FPR3: variants seen among roughly 807,000 people sequenced by gnomAD.
The protein encoded by FPR3 is N-formyl peptide receptor 3.
For missense variants in FPR3, 346 were observed against 443.2 expected, an observed-to-expected ratio of 0.78 and a Z score of 1.97; for synonymous variants, 135 against 163.6, an observed-to-expected ratio of 0.83 and a Z score of 1.34.
At chr19:51,815,222 C>T (rs1160232460) in intron 1 of FPR3, among the ~76,000 whole-genome samples, 1 of 152,070 alleles carries the variant, frequency 6.6e-6, no homozygotes, top group Non-Finnish European at 1.5e-5. Context: ...CAGCCCCACC[C>T]ATTGACTTTC....
intron 1 of FPR3, among the ~76,000 whole-genome samples, chr19:51,818,723 A>C (rs555478476): frequency 1.2e-3 from 186 of 152,324 alleles, no homozygotes; most frequent in African/African-American, 3.9e-3. Flanking sequence ...ATGGTCAGGG[A>C]ATCAAGGAGT....
chr19:51,817,978 CTTTT>C (rs142320718), intron 1 of FPR3: 2 of 148,230 alleles, frequency 1.3e-5, no homozygotes, highest in Admixed American at 1.3e-4. Flanking sequence ...TTTTTTCAGT[CTTTT>C]TTTTTTCTTT....
chr19:51,795,533 T>TTTTTTTTTG, intron 1 of FPR3, among the ~76,000 whole-genome samples: 1 of 126,186 alleles, frequency 7.9e-6, no homozygotes, highest in Non-Finnish European at 1.7e-5. Context: ...TTTTTTTTTT[T>TTTTTTTTTG]GATGGAGTCT....
chr19:51,822,064 T>C (rs1201108495), intron 1 of FPR3, among the ~76,000 whole-genome samples: 1 of 152,096 alleles, frequency 6.6e-6, no homozygotes, highest in African/African-American at 2.4e-5. Flanking sequence ...CAGACCACAG[T>C]ATAAGCAAAT....
chr19:51,800,374 A>G (rs1258313891), intron 1 of FPR3, among the ~76,000 whole-genome samples: 1 of 152,230 alleles, frequency 6.6e-6, no homozygotes, highest in Non-Finnish European at 1.5e-5. Context: ...GTGTCTCAAC[A>G]GCAAATGCAG....
chr19:51,803,692 G>A (rs2084039660), intron 1 of FPR3: 1 of 152,158 alleles, frequency 6.6e-6, no homozygotes, highest in African/African-American at 2.4e-5. Flanking sequence ...AGAAAGTCAG[G>A]AGCCACGAAG....
chr19:51,797,971 T>C (rs995336598), intron 1 of FPR3, among the ~76,000 whole-genome samples: 3 of 136,084 alleles, frequency 2.2e-5, no homozygotes, highest in Non-Finnish European at 4.6e-5. Flanking sequence ...AACCTCTGCC[T>C]CCTGGGTTCA....
At chr19:51,800,547 G>C (rs2084022110) in intron 1 of FPR3, among the ~76,000 whole-genome samples, 1 of 152,192 alleles carries the variant, frequency 6.6e-6, no homozygotes, top group Non-Finnish European at 1.5e-5. Flanking sequence ...TTTGGCACTT[G>C]TTCCTGCAGA....
chr19:51,799,718 G>A (rs565322602), intron 1 of FPR3, among the ~76,000 whole-genome samples: 11 of 152,350 alleles, frequency 7.2e-5, no homozygotes, highest in Admixed American at 1.3e-4. Flanking sequence ...CAGGAGGGCA[G>A]ATCCTATTGT....
intron 1 of FPR3, among the ~76,000 whole-genome samples, chr19:51,807,460 G>A (rs928951420): frequency 4.6e-5 from 7 of 152,164 alleles, no homozygotes; most frequent in South Asian, 2.1e-4. Flanking sequence ...AGTTGGTCAC[G>A]TCCCATGGGC....
In FPR3 at chr19:51,825,644, C is replaced by G. The variant is rs967390386; in HGVS notation, c.*834C>G. On this transcript the variant is annotated 3_prime_UTR_variant, in exon 2 of 2. Coordinates refer to ENST00000339223, the MANE Select transcript of FPR3 (RefSeq NM_002030.5). ...AACATACATCTTAATACCAGATACC[C>G]TAATCCCAGTCCTAACTTCATTTAA... The G allele has an allele frequency of 1.2e-5, 2 of 167,126 alleles. No homozygotes were observed. The highest frequency in any genetic ancestry group is 4.8e-5 in the African/African-American group (2 of 41,458). The allele number at this position is 167,126 out of a possible 1,614,324, so 10.4% of individuals were successfully genotyped here.
chr19:51,807,779 A>C (rs2084070027), intron 1 of FPR3, among the ~76,000 whole-genome samples: 1 of 152,242 alleles, frequency 6.6e-6, no homozygotes, highest in Non-Finnish European at 1.5e-5. Flanking sequence ...TTTGCCAGGC[A>C]GTCGACATTT....
At chr19:51,795,504 CTTTTTTTTTTTTTTTTT>C (rs58620565) in intron 1 of FPR3, among the ~76,000 whole-genome samples, 173 bp downstream of exon 1, 4 of 74,732 alleles carry the variant, frequency 5.4e-5, no homozygotes, top group Admixed American at 3.2e-4. Context: ...CAGTAACATT[CTTTTTTTTTTTTTTTTT>C]TTTTTTTTTT....
rs2084206637 is a variant in FPR3, at chr19:51,823,606, A to G, written c.-10-133A>G. On this transcript the variant is annotated intron_variant, in intron 1 of 1. Coordinates refer to ENST00000339223, the MANE Select transcript of FPR3 (RefSeq NM_002030.5). ...GGAACTCCGAGAGAGTGCCAATTTT[A>G]TGTTATAACCATTCACAAGGCTCAC... The G allele has an allele frequency of 4.3e-6, 3 of 691,858 alleles. No homozygotes were observed. The East Asian group carries it at 8.2e-5, about 19-fold the overall frequency. 42.9% of individuals were successfully genotyped at this position (691,858 alleles called of 1,614,324 possible).
At chr19:51,803,229 C>T (rs912255280) in intron 1 of FPR3, among the ~76,000 whole-genome samples, 1 of 152,060 alleles carries the variant, frequency 6.6e-6, no homozygotes, top group African/African-American at 2.4e-5. Context: ...TTTATAAATT[C>T]CCAGGTGGCT....
chr19:51,822,597 G>T (rs2084198512), intron 1 of FPR3, among the ~76,000 whole-genome samples: 1 of 152,150 alleles, frequency 6.6e-6, no homozygotes. Flanking sequence ...CATTCCTGTG[G>T]AAACTACAAA....
At chr19:51,804,773 G>T (rs573171317) in intron 1 of FPR3, 1 of 152,196 alleles carries the variant, frequency 6.6e-6, no homozygotes, top group Non-Finnish European at 1.5e-5. Context: ...TGAACAAAGG[G>T]GGGTGAATGC....
chr19:51,810,778 A>G (rs1277490691), intron 1 of FPR3, among the ~76,000 whole-genome samples: 1 of 152,146 alleles, frequency 6.6e-6, no homozygotes, highest in East Asian at 1.9e-4. Context: ...GTATGCCATT[A>G]TTTACCACTC....
At position 51,798,972 on chromosome 19, in the gene FPR3, C is replaced by T. The variant is rs1162855936; in HGVS notation, c.-11+3641C>T. On this transcript the variant is annotated intron_variant, in intron 1 of 1. Transcript: ENST00000339223. ...TCTACTAAAAATACAAAAAATTAGCCGGGCGTGGTGGTGGTGCCCAGCTAC... is the reference window on the plus strand; with the variant it reads ...TCTACTAAAAATACAAAAAATTAGCTGGGCGTGGTGGTGGTGCCCAGCTAC... Among the ~76,000 whole-genome samples the T allele has an allele frequency of 5.9e-5, 9 of 151,988 alleles. No homozygotes were observed. The South Asian group carries it at 6.2e-4, about 11-fold the overall frequency.
Sources: allele counts gnomAD v4.1 joint callset (sites outside exome capture counted in the v4.1 genomes callset), GRCh38; gene constraint gnomAD v4.1.1; transcripts MANE v1.5; gene names NCBI Gene and HGNC (gene_info 2026-07-23, HGNC 2026-07-21).